Variants in TENT5B observed in about 807,000 individuals in gnomAD.
TENT5B encodes terminal nucleotidyltransferase 5B, also known as family with sequence similarity 46 member B.
TENT5B carries 12 observed loss-of-function variants against 21.7 expected under a neutral mutation model. That is an observed-to-expected ratio of 0.55 (90% CI 0.36 to 0.90). The LOEUF (loss-of-function observed/expected upper bound fraction) is 0.90. Among genes scored for constraint, TENT5B ranks in the 40% least tolerant of loss-of-function variants. TENT5B has a pLI of 0.01. For missense variants in TENT5B, 540 were observed against 601.5 expected, an observed-to-expected ratio of 0.90 and a Z score of 1.07; for synonymous variants, 262 against 266.6, an observed-to-expected ratio of 0.98 and a Z score of 0.17.
chr1:27,006,185 A>T lies in TENT5B; in HGVS notation c.1037T>A (p.Leu346Gln). 3 of 1,612,186 alleles carry T rather than the reference A, an allele frequency of 1.9e-6. No homozygotes were observed. Among genetic ancestry groups the T allele is most frequent in the Non-Finnish European group, 2.5e-6 (3 of 1,179,502 alleles). The change falls in exon 2 of 2, where the codon CTG (leucine) becomes CAG (glutamine). Residue 346 changes from leucine to glutamine, a missense_variant. Coordinates refer to ENST00000289166, the MANE Select transcript of TENT5B (RefSeq NM_052943.4). The surrounding 1 kb of genome is among the most constrained non-coding windows in gnomAD (Gnocchi z 9.4). ...GGTGCTCTCGTTGACCACCCGGTGCAGTGTCACCAGGCAGGCGTAACGGCG... is the reference window on the plus strand; with the variant it reads ...GGTGCTCTCGTTGACCACCCGGTGCTGTGTCACCAGGCAGGCGTAACGGCG... ...AARRYACLVT[L>Q]HRVVNESTVC... is the part of the protein sequence containing the mutation.
intron 1 of TENT5B, among the ~76,000 whole-genome samples, chr1:27,011,177 C>G (rs541566724): frequency 1.3e-5 from 2 of 152,122 alleles, no homozygotes; most frequent in Non-Finnish European, 1.5e-5. Context: ...TCCACTGGGC[C>G]GCGTGTGAGT....
rs759032904 is a variant in TENT5B, at chr1:27,006,405, C to T, written c.817G>A (p.Glu273Lys). ...HRVIATRSPE[E>K]IRGGGLLKYC... is the part of the protein sequence containing the mutation. ...TTGAGGAGGCCACCACCTCGGATCT[C>T]CTCGGGACTGCGCGTGGCGATGACA... The change falls in exon 2 of 2, where the codon GAG (glutamate) becomes AAG (lysine). Residue 273 changes from glutamate to lysine, a missense_variant. Coordinates refer to ENST00000289166, the MANE Select transcript of TENT5B (RefSeq NM_052943.4). The surrounding 1 kb of genome is among the most constrained non-coding windows in gnomAD (Gnocchi z 9.4). 101 of 1,613,230 alleles carry T rather than the reference C, an allele frequency of 6.3e-5. No individual in the cohort carries two copies. Among genetic ancestry groups the T allele is most frequent in the Non-Finnish European group, 8.3e-5 (98 of 1,179,870 alleles).
intron 1 of TENT5B, among the ~76,000 whole-genome samples, chr1:27,012,200 T>C (rs888218752): frequency 2.0e-5 from 3 of 151,650 alleles, no homozygotes; most frequent in African/African-American, 7.3e-5. Context: ...TCTCCAAGAG[T>C]CGAGATGGAA....
At chr1:27,010,070 G>A (rs1198397431) in intron 1 of TENT5B, among the ~76,000 whole-genome samples, 1 of 152,234 alleles carries the variant, frequency 6.6e-6, no homozygotes, top group Non-Finnish European at 1.5e-5. Flanking sequence ...TCAGCCAGCA[G>A]GCTTACAAAA....
At chr1:27,009,760 C>T (rs2082615854) in intron 1 of TENT5B, among the ~76,000 whole-genome samples, 1 of 152,256 alleles carries the variant, frequency 6.6e-6, no homozygotes, top group Non-Finnish European at 1.5e-5. Context: ...GGCATCTGGC[C>T]TAGTGAGTAG....
Position 27,006,771 on chromosome 1 carries a change from G to C in TENT5B, c.451C>G (p.Leu151Val), listed in dbSNP as rs574258909. Residue 151 changes from leucine (L) to valine (V), a missense_variant, in exon 2 of 2, where the codon CTA becomes GTA. Physicochemically the swap from Leu to Val is conservative, Grantham distance 32. Transcript: ENST00000289166. This position sits in a 1 kb window ranked among gnomAD's most constrained non-coding sequence, Gnocchi z 9.4. ...QLTKAVVLAC[L>V]LDFLPAGVSR... ...ACACCGGCCGGCAGGAAGTCTAGTA[G>C]GCAGGCCAGCACCACTGCCTTGGTC... 4 of 1,614,044 alleles carry C rather than the reference G, an allele frequency of 2.5e-6. No homozygotes were observed. The South Asian group carries it at 3.3e-5, about 13-fold the overall frequency.
At chr1:27,008,977 C>CTTTTTTTTTTCTTTT (rs2082612808) in intron 1 of TENT5B, among the ~76,000 whole-genome samples, 1 of 30,978 alleles carries the variant, frequency 3.2e-5, no homozygotes, top group African/African-American at 1.4e-4. Context: ...CTCCATCCTT[C>CTTTTTTTTTTCTTTT]TTTTTTTTTT....
rs762057177 is a variant in TENT5B, at chr1:27,006,412, A to C, written c.810T>G (p.Ser270Arg). The change falls in exon 2 of 2, where the codon AGT becomes AGG. Residue 270 changes from serine to arginine, a missense_variant. Ser to Arg is a moderately radical substitution (Grantham distance 110). Coordinates refer to ENST00000289166, the MANE Select transcript of TENT5B (RefSeq NM_052943.4). The surrounding 1 kb of genome is among the most constrained non-coding windows in gnomAD (Gnocchi z 9.4). The stretch of plus-strand genomic sequence containing the variant: ...GGCCACCACCTCGGATCTCCTCGGG[A>C]CTGCGCGTGGCGATGACACGGTGCC... ...HLRHRVIATR[S>R]PEEIRGGGLL... The C allele has an allele frequency of 5.0e-6, 8 of 1,613,416 alleles. No homozygotes were observed. Among genetic ancestry groups the C allele is most frequent in the Non-Finnish European group, 6.8e-6 (8 of 1,179,866 alleles).
chr1:27,008,737 G>A (rs1230524706), intron 1 of TENT5B, among the ~76,000 whole-genome samples: 1 of 151,824 alleles, frequency 6.6e-6, no homozygotes, highest in Non-Finnish European at 1.5e-5. Flanking sequence ...GAATAGTTGG[G>A]ATTACAGGCG....
intron 1 of TENT5B, among the ~76,000 whole-genome samples, chr1:27,008,934 C>T (rs1484284670): frequency 5.1e-5 from 6 of 118,700 alleles, no homozygotes; most frequent in Non-Finnish European, 8.6e-5. Flanking sequence ...GAATTTTTTT[C>T]TGCCTTTCCA....
Position 27,005,830 on chromosome 1 carries a change from C to A in TENT5B, c.*114G>T. 1 of 1,394,168 alleles carries A rather than the reference C, an allele frequency of 7.2e-7. No individual in the cohort carries two copies. The highest frequency in any genetic ancestry group is 9.7e-7 in the Non-Finnish European group (1 of 1,034,482). The allele number at this position is 1,394,168 out of a possible 1,614,324, so 86.4% of individuals were successfully genotyped here. On this transcript the variant is annotated 3_prime_UTR_variant, in exon 2 of 2. Coordinates refer to ENST00000289166, the MANE Select transcript of TENT5B (RefSeq NM_052943.4). ...CTGTTCAATCAAAGGCCCAACCCTG[C>A]AGTGCTGGGCCTCCTGGCACATTCT...
chr1:27,012,176 T>C (rs2082626899), intron 1 of TENT5B, among the ~76,000 whole-genome samples: 1 of 152,068 alleles, frequency 6.6e-6, no homozygotes, highest in Non-Finnish European at 1.5e-5. Flanking sequence ...GAGTGATCCG[T>C]GGGGAATCAG....
chr1:27,006,899 C>G lies in TENT5B; in HGVS notation c.323G>C (p.Gly108Ala). 6.2e-7 allele frequency: 1 copy of G among 1,613,114 alleles called. No individual in the cohort carries two copies. The highest frequency in any genetic ancestry group is 8.5e-7 in the Non-Finnish European group (1 of 1,179,622). Residue 108 changes from glycine to alanine, a missense_variant, in exon 2 of 2, where the codon GGT becomes GCT. Physicochemically the swap from Gly to Ala is moderately conservative, Grantham distance 60. Transcript: ENST00000289166. This position sits in a 1 kb window ranked among gnomAD's most constrained non-coding sequence, Gnocchi z 9.4. ...GLHVHSVRLH[G>A]SAASHVLHPE... ...GTGCAGCACGTGGCTGGCAGCTGAACCATGCAGCCGCACACTGTGCACATG... is the reference window on the plus strand; with the variant it reads ...GTGCAGCACGTGGCTGGCAGCTGAAGCATGCAGCCGCACACTGTGCACATG...
rs754321423 is a variant in TENT5B at position 27,006,830 on chromosome 1, C to T, written c.392G>A (p.Arg131Gln). Residue 131 changes from arginine to glutamine, a missense_variant, in exon 2 of 2, where the codon CGG (arginine) becomes CAG (glutamine). Arg to Gln is a conservative substitution (Grantham distance 43). Coordinates refer to ENST00000289166, the MANE Select transcript of TENT5B (RefSeq NM_052943.4). The surrounding 1 kb of genome is among the most constrained non-coding windows in gnomAD (Gnocchi z 9.4). ...LGYKDLDLVFRVDLRSEASFQ... is the reference protein window; with the variant it reads ...LGYKDLDLVFQVDLRSEASFQ... ...GGATGCCTCACTGCGCAGGTCCACC[C>T]GGAACACCAGGTCCAGATCCTTGTA... 2.9e-5 allele frequency: 47 copies of T among 1,613,964 alleles called. No homozygotes were observed. Among genetic ancestry groups the T allele is most frequent in the Middle Eastern group, 1.6e-4 (1 of 6,084 alleles).
intron 1 of TENT5B, among the ~76,000 whole-genome samples, chr1:27,010,862 T>A (rs2082620903): frequency 6.6e-6 from 1 of 152,166 alleles, no homozygotes; most frequent in African/African-American, 2.4e-5. Flanking sequence ...GGAGGCTGAG[T>A]CCTAGTCACA....
Position 27,005,987 on chromosome 1 carries a change from G to T in TENT5B, c.1235C>A (p.Pro412His). Reference protein sequence around the residue: ...TVNYYVTPVQPLLAHAYPTWL... With the variant: ...TVNYYVTPVQHLLAHAYPTWL... ...GGTGGGATAGGCGTGAGCCAGGAGAGGTTGCACGGGGGTCACGTAGTAATT... is the reference window on the plus strand; with the variant it reads ...GGTGGGATAGGCGTGAGCCAGGAGATGTTGCACGGGGGTCACGTAGTAATT... The change falls in exon 2 of 2, where the codon CCT becomes CAT. Residue 412 changes from proline to histidine, a missense_variant. By Grantham distance (77) the Pro-to-His change is moderately conservative. Coordinates refer to ENST00000289166, the MANE Select transcript of TENT5B (RefSeq NM_052943.4). 1 of 1,592,980 alleles carries T rather than the reference G, an allele frequency of 6.3e-7. No individual in the cohort carries two copies. Among genetic ancestry groups the T allele is most frequent in the South Asian group, 1.1e-5 (1 of 87,880 alleles).
intron 1 of TENT5B, among the ~76,000 whole-genome samples, chr1:27,010,466 C>T (rs2082618584): frequency 6.6e-6 from 1 of 151,852 alleles, no homozygotes; most frequent in African/African-American, 2.4e-5. Context: ...TTAGAAGCTG[C>T]CAGCTGTGGA....
chr1:27,007,947 C>A (rs1310370313), intron 1 of TENT5B, among the ~76,000 whole-genome samples: 1 of 152,134 alleles, frequency 6.6e-6, no homozygotes. Context: ...TCAAGTTCAC[C>A]TATGTCCTTT....
intron 1 of TENT5B, 109 bp from the exon 2 acceptor site, chr1:27,007,066 G>T: frequency 1.7e-6 from 1 of 581,196 alleles, no homozygotes; most frequent in Non-Finnish European, 2.3e-6. Context: ...CCCCTAACCA[G>T]CTGTTATGCC....
Sources: allele counts gnomAD v4.1 joint callset (sites outside exome capture counted in the v4.1 genomes callset), GRCh38; gene constraint gnomAD v4.1.1; non-coding constraint Gnocchi (gnomAD v3.1); transcripts MANE v1.5; gene names NCBI Gene and HGNC (gene_info 2026-07-23, HGNC 2026-07-21).